The following ZDHHC11B variants were observed in gnomAD, a reference collection of about 807,000 sequenced individuals.
ZDHHC11B encodes zDHHC palmitoyltransferase 11B (putative).
ZDHHC11B carries 17 observed loss-of-function variants against 42.3 expected under a neutral mutation model. That is an observed-to-expected ratio of 0.40 (90% CI 0.27 to 0.60). The LOEUF is 0.60. Ranked by LOEUF, ZDHHC11B falls within the 20% of genes least tolerant of loss-of-function variation. The pLI is 0.41. For missense variants in ZDHHC11B, 262 were observed against 463.2 expected (o/e 0.57, Z 3.99); for synonymous variants, 123 against 193.5 (o/e 0.64, Z 3.02).
At position 748,445 on chromosome 5, in the gene ZDHHC11B, A is replaced by G. The variant is rs765702162; in HGVS notation, c.743T>C (p.Leu248Ser). The G allele has an allele frequency of 5.9e-6, 8 of 1,361,430 alleles. 2 individuals carry two copies. Among genetic ancestry groups the G allele is most frequent in the South Asian group, 1.6e-5 (1 of 61,924 alleles). 84.3% of individuals were successfully genotyped at this position (1,361,430 alleles called of 1,614,324 possible). A position where few individuals can be genotyped will look rare whatever the true frequency, so the allele number is the denominator to read the frequency against. ...GATGAGCAGCTGGCCCAGCTGCACC[A>G]AGCCAAGAAGGTCCAGCAGGAGCAC... is the stretch of plus-strand genomic sequence containing the variant. ...MLVLLLDLLG[L>S]VQLGQLLIFH... Residue 248 changes from leucine (L) to serine (S), a missense_variant, in exon 8 of 14, where the codon TTG becomes TCG. By Grantham distance (145) the Leu-to-Ser change is moderately radical. Transcript: ENST00000508859.
At chr5:766,675 C>A (rs1197686290) in intron 4 of ZDHHC11B, 23 bp downstream of exon 4, 3 of 1,590,846 alleles carry the variant, frequency 1.9e-6, no homozygotes, top group East Asian at 2.3e-5. Flanking sequence ...CCCGCTTAGA[C>A]CATGCCACGA....
intron 1 of ZDHHC11B, among the ~76,000 whole-genome samples, chr5:775,014 G>A (rs145554022): frequency 0.029 from 4,392 of 149,346 alleles, 44 homozygotes; most frequent in African/African-American, 0.079. Context: ...CAGCAGTGCC[G>A]GGTCAAAGCT....
chr5:732,689 C>T (rs1272981277), intron 11 of ZDHHC11B: 1 of 441,592 alleles, frequency 2.3e-6, no homozygotes, highest in Non-Finnish European at 4.5e-6. Flanking sequence ...AAGGACAAGT[C>T]ACCTGTAACC....
chr5:730,262 C>G lies in ZDHHC11B; in HGVS notation c.1058+172G>C, dbSNP rs550974300. Among the ~76,000 whole-genome samples, 129 of 151,838 alleles carry G rather than the reference C, an allele frequency of 8.5e-4. 3 individuals are homozygous for G. The highest frequency in any genetic ancestry group is 2.6e-3 in the African/African-American group (108 of 41,262). ...ATTCTATAATTTTTTCAAGTAAGAT[C>G]AGTGCAATAAGCCACATGAATGGCT... is the stretch of plus-strand genomic sequence containing the variant. On this transcript the variant is annotated intron_variant, in intron 12 of 13. Coordinates refer to ENST00000508859, the MANE Select transcript of ZDHHC11B (RefSeq NM_001351303.2).
intron 4 of ZDHHC11B, among the ~76,000 whole-genome samples, chr5:759,861 C>G (rs1369827940): frequency 6.6e-6 from 1 of 152,000 alleles, no homozygotes; most frequent in African/African-American, 2.4e-5. Flanking sequence ...CTGCAGGTGC[C>G]GGATAGCACA....
intron 4 of ZDHHC11B, among the ~76,000 whole-genome samples, chr5:760,197 C>G (rs1486519707): frequency 6.6e-6 from 1 of 151,766 alleles, no homozygotes; most frequent in Non-Finnish European, 1.5e-5. Flanking sequence ...AGGAAACAGC[C>G]AGGTGTGGAG....
rs1246114118 is a variant in ZDHHC11B, at chr5:711,590, G to C, written c.*700C>G. 1.3e-5 allele frequency: 2 copies of C among 153,798 alleles called. No homozygotes were observed. Among genetic ancestry groups the C allele is most frequent in the Middle Eastern group, 5.2e-4 (1 of 1,940 alleles). 9.5% of individuals were successfully genotyped at this position (153,798 alleles called of 1,614,324 possible). A position where few individuals can be genotyped will look rare whatever the true frequency, so the allele number is the denominator to read the frequency against. Reference sequence around the variant, plus strand: ...CACTGTGCTCCCATTTCCCAGTACTGTGCTCCCATTTCCCAGTGCCGTGCT... The same window carrying C: ...CACTGTGCTCCCATTTCCCAGTACTCTGCTCCCATTTCCCAGTGCCGTGCT... On this transcript the variant is annotated 3_prime_UTR_variant, in exon 14 of 14. Transcript: ENST00000508859.
At chr5:713,096 C>A (rs938896629) in intron 13 of ZDHHC11B, among the ~76,000 whole-genome samples, 1 of 150,842 alleles carries the variant, frequency 6.6e-6, no homozygotes, top group African/African-American at 2.4e-5. Context: ...TGACATCTTC[C>A]CAATTTTCTC....
In ZDHHC11B at chr5:751,066, C is replaced by T. The variant is rs1345125191; in HGVS notation, c.628+67G>A. ...CAAGAGGGGCCGACCACCCCAGACC[C>T]GATACTACCGCCCGGAAAGACGGCT... On this transcript the variant is annotated intron_variant, in intron 7 of 13. Transcript: ENST00000508859. 1.4e-5 allele frequency: 12 copies of T among 858,070 alleles called. 2 individuals are homozygous for T. The highest frequency in any genetic ancestry group is 3.5e-5 in the African/African-American group (2 of 57,716). The allele number at this position is 858,070 out of a possible 1,614,324, so 53.2% of individuals were successfully genotyped here. A position where few individuals can be genotyped will look rare whatever the true frequency, so the allele number is the denominator to read the frequency against.
intron 4 of ZDHHC11B, among the ~76,000 whole-genome samples, chr5:756,347 T>C (rs1733831125): frequency 6.6e-6 from 1 of 151,224 alleles, no homozygotes; most frequent in African/African-American, 2.4e-5. Flanking sequence ...CCTATACACT[T>C]GGCCCTTCAC....
At chr5:753,156 A>T (rs58875223) in intron 6 of ZDHHC11B, among the ~76,000 whole-genome samples, 1 of 123,272 alleles carries the variant, frequency 8.1e-6, no homozygotes, top group African/African-American at 2.6e-5. Flanking sequence ...ATCACTACGA[A>T]GTATGCAGCC....
At chr5:717,148 A>G (rs1203100691) in intron 12 of ZDHHC11B, among the ~76,000 whole-genome samples, 2 of 151,056 alleles carry the variant, frequency 1.3e-5, no homozygotes, top group Admixed American at 6.6e-5. Context: ...GTAGCCAAGG[A>G]AGCTTGTTTG....
intron 1 of ZDHHC11B, among the ~76,000 whole-genome samples, chr5:777,148 C>G (rs1736574612): frequency 6.6e-6 from 1 of 151,748 alleles, no homozygotes; most frequent in Non-Finnish European, 1.5e-5. Flanking sequence ...TTCAGATGTT[C>G]AGATGCGTCT....
chr5:776,991 T>C (rs1256900162), intron 1 of ZDHHC11B, among the ~76,000 whole-genome samples: 1 of 151,910 alleles, frequency 6.6e-6, no homozygotes, highest in Non-Finnish European at 1.5e-5. Flanking sequence ...GCTGGCAGTT[T>C]TGAGTCCGTG....
intron 13 of ZDHHC11B, among the ~76,000 whole-genome samples, chr5:716,238 G>A (rs1230850400): frequency 6.6e-6 from 1 of 151,234 alleles, no homozygotes. Flanking sequence ...CTATTCTGAT[G>A]GCAGAGCATG....
At chr5:745,398 G>T in intron 8 of ZDHHC11B, 100 bp from the exon 9 acceptor site, 1 of 1,035,194 alleles carries the variant, frequency 9.7e-7, no homozygotes, top group Non-Finnish European at 1.4e-6. Context: ...CACTGATCCG[G>T]CCCCTGCACA....
At chr5:714,814 C>T (rs1273062519) in intron 13 of ZDHHC11B, among the ~76,000 whole-genome samples, 1 of 149,536 alleles carries the variant, frequency 6.7e-6, no homozygotes, top group Non-Finnish European at 1.5e-5. Context: ...GAGATGGGGC[C>T]TCATAGGACG....
In ZDHHC11B at chr5:754,738, G is replaced by A. The variant is rs1464613569; in HGVS notation, c.503+260C>T. ...GCGTGGTCAGGAGGCCTCAGCCAGC[G>A]TGGCCCCGCAAGTGCCCCCGGGGGG... On this transcript the variant is annotated intron_variant, in intron 6 of 13. Transcript: ENST00000508859. Among the ~76,000 whole-genome samples, 4 of 104,288 alleles carry A rather than the reference G, an allele frequency of 3.8e-5. 2 individuals are homozygous for A. Among genetic ancestry groups the A allele is most frequent in the South Asian group, 9.0e-4 (2 of 2,210 alleles). The allele number at this position is 104,288 out of a possible 152,430, so 68.4% of individuals were successfully genotyped here.
At chr5:770,922 G>A (rs1289001143) in intron 1 of ZDHHC11B, among the ~76,000 whole-genome samples, 6 of 151,902 alleles carry the variant, frequency 3.9e-5, no homozygotes, top group African/African-American at 1.5e-4. Context: ...GCAGGGCTAC[G>A]CCACAGGGCA....
Sources: allele counts gnomAD v4.1 joint callset (sites outside exome capture counted in the v4.1 genomes callset), GRCh38; gene constraint gnomAD v4.1.1; transcripts MANE v1.5; gene names NCBI Gene and HGNC (gene_info 2026-07-23, HGNC 2026-07-21).